The following COL21A1 variants were observed in gnomAD, a reference collection of about 807,000 sequenced individuals.
The protein encoded by COL21A1 is collagen alpha-1(XXI) chain.
In COL21A1, 149 loss-of-function variants were observed where a neutral mutation model predicts 137.9. That is an observed-to-expected ratio of 1.08 (90% CI 0.95 to 1.24). The LOEUF (loss-of-function observed/expected upper bound fraction) is 1.24, where lower values mean the gene tolerates loss of function less well. Ranked by LOEUF, COL21A1 falls within the 50% of genes most tolerant of loss-of-function variation. The pLI is 0.00. For missense variants in COL21A1, 1,167 were observed against 1,158.4 expected, an observed-to-expected ratio of 1.01 and a Z score of -0.11; for synonymous variants, 456 against 391.5, an observed-to-expected ratio of 1.16 and a Z score of -1.95.
chr6:56,128,380 C>T (rs960549708), intron 12 of COL21A1, among the ~76,000 whole-genome samples: 1 of 152,118 alleles, frequency 6.6e-6, no homozygotes, highest in African/African-American at 2.4e-5. Context: ...CTTTAACGTT[C>T]CTGTGATATT....
At chr6:56,319,348 A>G (rs186627535) in intron 1 of COL21A1, among the ~76,000 whole-genome samples, 2 of 151,968 alleles carry the variant, frequency 1.3e-5, no homozygotes, top group Non-Finnish European at 2.9e-5. Context: ...CTGTTTATTT[A>G]TTTGTTTGTG....
chr6:56,135,753 A>G (rs939761141), intron 12 of COL21A1, among the ~76,000 whole-genome samples: 22 of 152,222 alleles, frequency 1.4e-4, no homozygotes, highest in Admixed American at 8.5e-4. Flanking sequence ...CAGTCCCTAC[A>G]TCGTATAGCT....
chr6:56,195,238 A>G (rs925544949), intron 1 of COL21A1, among the ~76,000 whole-genome samples: 9 of 152,198 alleles, frequency 5.9e-5, no homozygotes, highest in Non-Finnish European at 1.3e-4. Context: ...TACTAAAACA[A>G]CTTCTAGCAA....
chr6:56,070,816 A>C lies in COL21A1; in HGVS notation c.1966-18T>G. 1 of 1,580,710 alleles carries C rather than the reference A, an allele frequency of 6.3e-7. No individual in the cohort carries two copies. The highest frequency in any genetic ancestry group is 1.2e-5 in the South Asian group (1 of 84,410). ...TTGCTTCCCTGTCAACACATCAAAAACATTGGAGTTTTTTAAAAACAATTC... is the reference window on the plus strand; with the variant it reads ...TTGCTTCCCTGTCAACACATCAAAACCATTGGAGTTTTTTAAAAACAATTC... On this transcript the variant is annotated intron_variant, in intron 20 of 29. Transcript: ENST00000244728.
At chr6:56,297,571 T>G (rs1381270293) in intron 1 of COL21A1, among the ~76,000 whole-genome samples, 2 of 152,136 alleles carry the variant, frequency 1.3e-5, no homozygotes, top group African/African-American at 2.4e-5. Context: ...CTATACTCTT[T>G]TACTGACTGT....
In COL21A1 at chr6:56,179,975, AT is replaced by A; in HGVS notation, c.242del (p.Tyr81LeufsTer20). ...GAATCTCCAGCACAGGGTAGTCACTATATTGAACCACTCCAACTTGAATAAA... is the reference window on the plus strand; with the variant it reads ...GAATCTCCAGCACAGGGTAGTCACTAATTGAACCACTCCAACTTGAATAAA... ...PKFIQVGVVQYSDYPVLEIPL... is the reference protein window; with the variant it reads ...PKFIQVGVVQXSDYPVLEIPL... On this transcript the variant is annotated frameshift_variant, in exon 3 of 30. Coordinates refer to ENST00000244728, the MANE Select transcript of COL21A1 (RefSeq NM_030820.4). LOFTEE classifies it high-confidence loss of function. The A allele has an allele frequency of 6.2e-7, 1 of 1,613,938 alleles. No individual in the cohort carries two copies. The highest frequency in any genetic ancestry group is 8.5e-7 in the Non-Finnish European group (1 of 1,179,852).
At chr6:56,182,394 C>T in intron 2 of COL21A1, 137 bp downstream of exon 2, 1 of 617,032 alleles carries the variant, frequency 1.6e-6, no homozygotes, top group Non-Finnish European at 2.9e-6. Flanking sequence ...AGTAACATAG[C>T]AATTCATTTA....
intron 29 of COL21A1, among the ~76,000 whole-genome samples, chr6:56,058,439 T>G (rs1020003976): frequency 2.0e-5 from 3 of 152,130 alleles, no homozygotes; most frequent in African/African-American, 7.2e-5. Context: ...TACTGGCCTT[T>G]TAAAGTTGAT....
intron 3 of COL21A1, among the ~76,000 whole-genome samples, chr6:56,171,700 T>C (rs934192062): frequency 3.9e-5 from 6 of 151,962 alleles, no homozygotes; most frequent in African/African-American, 1.2e-4. Flanking sequence ...GGAAAAAACT[T>C]AACCTGGGTC....
At chr6:56,309,079 T>G (rs1764539502) in intron 1 of COL21A1, among the ~76,000 whole-genome samples, 1 of 151,624 alleles carries the variant, frequency 6.6e-6, no homozygotes, top group Admixed American at 6.6e-5. Context: ...AGCCTTGATC[T>G]GTCGCCCGGC....
At chr6:56,283,825 T>C (rs988464309) in intron 1 of COL21A1, among the ~76,000 whole-genome samples, 2 of 151,852 alleles carry the variant, frequency 1.3e-5, no homozygotes, top group Non-Finnish European at 2.9e-5. Context: ...TCAGAAGGCA[T>C]GGCAGAGATG....
At chr6:56,347,732 GGATTTAGAAAATCTCTTTCT>G (rs1376614922) in intron 1 of COL21A1, among the ~76,000 whole-genome samples, 6 of 151,966 alleles carry the variant, frequency 3.9e-5, no homozygotes, top group South Asian at 4.2e-4. Context: ...GAAGCTTTTG[GGATTTAGAAAATCTCTTTCT>G]GATGATAAGA....
chr6:56,281,026 TA>T (rs1182317905), intron 1 of COL21A1, among the ~76,000 whole-genome samples: 1 of 151,954 alleles, frequency 6.6e-6, no homozygotes, highest in East Asian at 1.9e-4. Flanking sequence ...ATAAAAAAAG[TA>T]ATTTACCCAA....
At chr6:56,245,218 A>G (rs1782569967) in intron 1 of COL21A1, among the ~76,000 whole-genome samples, 1 of 152,192 alleles carries the variant, frequency 6.6e-6, no homozygotes, top group Admixed American at 6.5e-5. Context: ...ATTTTCTTTT[A>G]CAAAGAAAAG....
At chr6:56,151,164 T>C (rs184657562) in intron 10 of COL21A1, among the ~76,000 whole-genome samples, 6 of 152,228 alleles carry the variant, frequency 3.9e-5, no homozygotes, top group East Asian at 1.9e-4. Context: ...AGGCGGAGCT[T>C]GCAGTGAGCC....
At chr6:56,275,893 A>T (rs1763635517) in intron 1 of COL21A1, among the ~76,000 whole-genome samples, 1 of 152,180 alleles carries the variant, frequency 6.6e-6, no homozygotes, top group East Asian at 1.9e-4. Flanking sequence ...AAGAAAAATA[A>T]ATCATTCTAC....
chr6:56,229,455 C>T (rs146716455), intron 1 of COL21A1, among the ~76,000 whole-genome samples: 7 of 152,060 alleles, frequency 4.6e-5, no homozygotes, highest in South Asian at 2.1e-4. Context: ...GTTAATATCT[C>T]GAAAGGAGAC....
rs1777990195 is a variant in COL21A1 at position 56,182,638 on chromosome 6, T to C, written c.-20A>G. Reference sequence around the variant, plus strand: ...AGCCATGTTTCTGTTTTCGTTCTAATATTTTGGTTTTAGGATTCCTAGGGG... The same window carrying C: ...AGCCATGTTTCTGTTTTCGTTCTAACATTTTGGTTTTAGGATTCCTAGGGG... On this transcript the variant is annotated 5_prime_UTR_variant, in exon 2 of 30. The change creates a new upstream start codon in the 5' untranslated region. Transcript: ENST00000244728. 6 of 1,565,896 alleles carry C rather than the reference T, an allele frequency of 3.8e-6. No individual in the cohort carries two copies. The highest frequency in any genetic ancestry group is 5.2e-6 in the Non-Finnish European group (6 of 1,148,374).
At chr6:56,097,792 T>TAA in intron 17 of COL21A1, among the ~76,000 whole-genome samples, 1 of 116,684 alleles carries the variant, frequency 8.6e-6, no homozygotes, top group Non-Finnish European at 1.7e-5. Flanking sequence ...TAAAAATATA[T>TAA]ATATAAATCT....
Sources: gnomAD v4.1 joint callset for allele counts (sites outside exome capture counted in the v4.1 genomes callset) on GRCh38, gnomAD v4.1.1 for gene constraint, MANE v1.5 for transcripts, NCBI Gene and HGNC (gene_info 2026-07-23, HGNC 2026-07-21) for gene names.